CACNG8: variants seen among roughly 807,000 people sequenced by gnomAD.
CACNG8 encodes the protein calcium voltage-gated channel auxiliary subunit gamma 8.
Under a neutral mutation model 26.9 loss-of-function variants are expected in CACNG8, and 5 were observed. The observed-to-expected ratio is 0.19, with a 90% CI of 0.10 to 0.39. The LOEUF (loss-of-function observed/expected upper bound fraction) is 0.39, where lower values mean the gene tolerates loss of function less well. CACNG8 is among the 10% of genes least tolerant of loss of function. The pLI is 1.00. For synonymous variants in CACNG8, 321 were observed against 296.7 expected (o/e 1.08, Z -0.84); for missense variants, 473 against 609.4 (o/e 0.78, Z 2.36).
rs1362382131 is a variant in CACNG8 at position 53,986,576 on chromosome 19, C to A, written c.*3727C>A. Reference sequence around the variant, plus strand: ...CAACATGGTGAAACTTCATCTCTACCAATAAATAAATAAAGTAGCTGGGTG... The same window carrying A: ...CAACATGGTGAAACTTCATCTCTACAAATAAATAAATAAAGTAGCTGGGTG... On this transcript the variant is annotated 3_prime_UTR_variant, in exon 4 of 4. Coordinates refer to ENST00000270458, the MANE Select transcript of CACNG8 (RefSeq NM_031895.6). 6.6e-6 allele frequency: 1 copy of A among 152,066 alleles called. No individual in the cohort carries two copies. Among genetic ancestry groups the A allele is most frequent in the Non-Finnish European group, 1.5e-5 (1 of 68,026 alleles). The allele number at this position is 152,066 out of a possible 1,614,324, so 9.4% of individuals were successfully genotyped here.
intron 3 of CACNG8, among the ~76,000 whole-genome samples, chr19:53,980,635 G>T (rs2069361006): frequency 6.6e-6 from 1 of 152,184 alleles, no homozygotes; most frequent in South Asian, 2.1e-4. Context: ...AAAAGCCAAA[G>T]GGGGAGGGGT....
rs2362381 is a variant in CACNG8 at position 53,984,704 on chromosome 19, G to A, written c.*1855G>A. 79,381 of 151,948 alleles carry A rather than the reference G, an allele frequency of 0.52. 21,563 individuals carry two copies. Among genetic ancestry groups the A allele is most frequent in the Middle Eastern group, 0.64 (191 of 298 alleles). The allele number at this position is 151,948 out of a possible 1,614,324, so 9.4% of individuals were successfully genotyped here. A position where few individuals can be genotyped will look rare whatever the true frequency, so the allele number is the denominator to read the frequency against. On this transcript the variant is annotated 3_prime_UTR_variant, in exon 4 of 4. Transcript: ENST00000270458. The stretch of plus-strand genomic sequence containing the variant: ...GGTGGCTCATGCCTGTAATCCCAGC[G>A]CTTTGGGAGGCTGAGGCTGGAGTAT...
In CACNG8 at chr19:53,986,917, G is replaced by A. The variant is rs142798735; in HGVS notation, c.*4068G>A. The A allele has an allele frequency of 6.6e-6, 1 of 152,390 alleles. No individual in the cohort carries two copies. Among genetic ancestry groups the A allele is most frequent in the East Asian group, 1.9e-4 (1 of 5,184 alleles). The allele number at this position is 152,390 out of a possible 1,614,324, so 9.4% of individuals were successfully genotyped here. A position where few individuals can be genotyped will look rare whatever the true frequency, so the allele number is the denominator to read the frequency against. On this transcript the variant is annotated 3_prime_UTR_variant, in exon 4 of 4. Transcript: ENST00000270458. ...AGGTCTTCGAGGAGGCCTGTGCGGT[G>A]AGCAGATCCACCATAGGACAGAGGC...
intron 1 of CACNG8, among the ~76,000 whole-genome samples, chr19:53,967,679 A>T (rs1337608556): frequency 6.6e-6 from 1 of 152,026 alleles, no homozygotes; most frequent in African/African-American, 2.4e-5. Flanking sequence ...CACTAAAAAT[A>T]CGAAAATTAG....
intron 1 of CACNG8, among the ~76,000 whole-genome samples, chr19:53,974,477 C>T (rs570904265): frequency 1.4e-4 from 21 of 152,286 alleles, no homozygotes; most frequent in Admixed American, 1.4e-3. Context: ...ATCACCAGTA[C>T]TGGCATTGCT....
In CACNG8 at chr19:53,985,860, C is replaced by T. The variant is rs1270343799; in HGVS notation, c.*3011C>T. On this transcript the variant is annotated 3_prime_UTR_variant, in exon 4 of 4. Transcript: ENST00000270458. ...CAAAAAAAAAAAAAAAATTGAGAGA[C>T]AGCAAATATTTGCTGGAAGAGGGAG... 1 of 149,700 alleles carries T rather than the reference C, an allele frequency of 6.7e-6. No homozygotes were observed. The highest frequency in any genetic ancestry group is 2.5e-5 in the African/African-American group (1 of 40,396). 9.3% of individuals were successfully genotyped at this position (149,700 alleles called of 1,614,324 possible).
intron 1 of CACNG8, among the ~76,000 whole-genome samples, chr19:53,970,942 AAAAAG>A (rs980346642): frequency 1.7e-4 from 25 of 150,764 alleles, no homozygotes; most frequent in South Asian, 4.2e-4. Flanking sequence ...AAAAAAAAAA[AAAAAG>A]AAAAGAAAAG....
chr19:53,962,985 C>A lies in CACNG8; in HGVS notation c.-158C>A, dbSNP rs1446528338. ...CCATGGCCGCGCTCTGACCCCCTCC[C>A]CGGCCGCAGCCTCCTCCTCGCCGCC... is the stretch of plus-strand genomic sequence containing the variant. On this transcript the variant is annotated 5_prime_UTR_variant, in exon 1 of 4. Coordinates refer to ENST00000270458, the MANE Select transcript of CACNG8 (RefSeq NM_031895.6). 1 of 363,850 alleles carries A rather than the reference C, an allele frequency of 2.7e-6. No homozygotes were observed. The highest frequency in any genetic ancestry group is 1.3e-4 in the South Asian group (1 of 7,830). 22.5% of individuals were successfully genotyped at this position (363,850 alleles called of 1,614,324 possible).
rs1048137769 is a variant in CACNG8, at chr19:53,962,955, G to T, written c.-188G>T. ...TCTCGCTCCTTGCCCTCCACCAGCCGCCGACCATGGCCGCGCTCTGACCCC... is the reference window on the plus strand; with the variant it reads ...TCTCGCTCCTTGCCCTCCACCAGCCTCCGACCATGGCCGCGCTCTGACCCC... On this transcript the variant is annotated 5_prime_UTR_variant, in exon 1 of 4. Coordinates refer to ENST00000270458, the MANE Select transcript of CACNG8 (RefSeq NM_031895.6). 3 of 315,694 alleles carry T rather than the reference G, an allele frequency of 9.5e-6. No homozygotes were observed. The highest frequency in any genetic ancestry group is 1.6e-4 in the South Asian group (1 of 6,450). 19.6% of individuals were successfully genotyped at this position (315,694 alleles called of 1,614,324 possible). A position where few individuals can be genotyped will look rare whatever the true frequency, so the allele number is the denominator to read the frequency against.
chr19:53,978,844 A>C (rs973583670), intron 2 of CACNG8, among the ~76,000 whole-genome samples: 4 of 128,272 alleles, frequency 3.1e-5, no homozygotes, highest in Non-Finnish European at 6.4e-5. Context: ...AAAGAGAGAT[A>C]GACGAAGTCA....
intron 1 of CACNG8, among the ~76,000 whole-genome samples, chr19:53,969,035 G>GTT (rs2069287201): frequency 6.6e-6 from 1 of 151,832 alleles, no homozygotes; most frequent in Non-Finnish European, 1.5e-5. Flanking sequence ...ACAGATTCTT[G>GTT]CTCTGTCACC....
chr19:53,965,490 T>C (rs543783439), intron 1 of CACNG8, among the ~76,000 whole-genome samples: 20 of 151,920 alleles, frequency 1.3e-4, no homozygotes, highest in Non-Finnish European at 1.9e-4. Flanking sequence ...GTACCAGGCA[T>C]AGAGCCAAGT....
At chr19:53,978,054 T>G in intron 1 of CACNG8, 92 bp from the exon 2 acceptor site, 1 of 829,094 alleles carries the variant, frequency 1.2e-6, no homozygotes, top group Non-Finnish European at 2.0e-6. Context: ...AGAGAAGGGG[T>G]TTGGGGAAGG....
chr19:53,975,483 A>G (rs529699883), intron 1 of CACNG8, among the ~76,000 whole-genome samples: 1 of 151,782 alleles, frequency 6.6e-6, no homozygotes, highest in African/African-American at 2.4e-5. Flanking sequence ...AGATTCAAGC[A>G]ATTCACCTGC....
chr19:53,988,062 AGAG>A lies in CACNG8; in HGVS notation c.*5217_*5219del, dbSNP rs2069418230. The stretch of plus-strand genomic sequence containing the variant: ...AATGCACCTTTGTGTTTCAAGAAGG[AGAG>A]GAGACAGCCAGCTGTGCCAAGGGCT... On this transcript the variant is annotated 3_prime_UTR_variant, in exon 4 of 4. Coordinates refer to ENST00000270458, the MANE Select transcript of CACNG8 (RefSeq NM_031895.6). The A allele has an allele frequency of 6.6e-6, 1 of 151,138 alleles. No individual in the cohort carries two copies. Among genetic ancestry groups the A allele is most frequent in the African/African-American group, 2.4e-5 (1 of 40,900 alleles). The allele number at this position is 151,138 out of a possible 1,614,324, so 9.4% of individuals were successfully genotyped here. A position where few individuals can be genotyped will look rare whatever the true frequency, so the allele number is the denominator to read the frequency against.
chr19:53,976,716 A>C (rs1363391563), intron 1 of CACNG8, among the ~76,000 whole-genome samples: 2 of 151,154 alleles, frequency 1.3e-5, no homozygotes, highest in Non-Finnish European at 2.9e-5. Flanking sequence ...TTTGTCACCC[A>C]GGCTGGAGTG....
At chr19:53,978,281 G>A in intron 2 of CACNG8, 52 bp downstream of exon 2, 1 of 1,469,914 alleles carries the variant, frequency 6.8e-7, no homozygotes, top group Non-Finnish European at 9.4e-7. Context: ...CGCGGGGCCT[G>A]GAAGGCGTCG....
In CACNG8 at chr19:53,988,607, A is replaced by G. The variant is rs1212561354; in HGVS notation, c.*5758A>G. ...AGAGCAAGACTCTGTCTCAAAAAAG[A>G]AAAAAGGTAAAAAAAAAAAAAAATG... On this transcript the variant is annotated 3_prime_UTR_variant, in exon 4 of 4. Transcript: ENST00000270458. The G allele has an allele frequency of 8.2e-6, 1 of 121,742 alleles. No individual in the cohort carries two copies. Among genetic ancestry groups the G allele is most frequent in the Non-Finnish European group, 1.8e-5 (1 of 55,748 alleles). The allele number at this position is 121,742 out of a possible 1,614,324, so 7.5% of individuals were successfully genotyped here.
chr19:53,982,253 A>G lies in CACNG8; in HGVS notation c.682A>G (p.Ile228Val), dbSNP rs1407777793. 1 of 1,612,536 alleles carries G rather than the reference A, an allele frequency of 6.2e-7. No individual in the cohort carries two copies. Among genetic ancestry groups the G allele is most frequent in the East Asian group, 2.2e-5 (1 of 44,816 alleles). The change falls in exon 4 of 4, where the codon ATC becomes GTC. Residue 228 changes from isoleucine to valine, a missense_variant. Physicochemically the swap from Ile to Val is conservative, Grantham distance 29. Transcript: ENST00000270458. This position sits in a 1 kb window ranked among gnomAD's most constrained non-coding sequence, Gnocchi z 8.4. Reference sequence around the variant, plus strand: ...AGGCGTGCTGGCCGTCAACATCTACATCGAGCGCAGCCGCGAGGCGCACTG... The same window carrying G: ...AGGCGTGCTGGCCGTCAACATCTACGTCGAGCGCAGCCGCGAGGCGCACTG...
Sources: allele counts gnomAD v4.1 joint callset (sites outside exome capture counted in the v4.1 genomes callset), GRCh38; gene constraint gnomAD v4.1.1; non-coding constraint Gnocchi (gnomAD v3.1); transcripts MANE v1.5; gene names NCBI Gene and HGNC (gene_info 2026-07-23, HGNC 2026-07-21).